TRAPPC9: variants seen among roughly 807,000 people sequenced by gnomAD.
TRAPPC9 encodes trafficking protein particle complex subunit 9.
TRAPPC9 carries 83 observed loss-of-function variants against 124.0 expected under a neutral mutation model. The ratio of observed to expected loss-of-function variants is 0.67; its 90% CI spans 0.56 to 0.80. TRAPPC9 has a LOEUF of 0.80. Among genes scored for constraint, TRAPPC9 ranks in the 30% least tolerant of loss-of-function variants. The pLI, the probability that TRAPPC9 is intolerant of heterozygous loss-of-function variation, is 0.00. For synonymous variants in TRAPPC9, 638 were observed against 617.5 expected (o/e 1.03, Z -0.49); for missense variants, 1,302 against 1,508.3 (o/e 0.86, Z 2.27).
At chr8:140,014,048 C>A (rs1307118125) in intron 18 of TRAPPC9, among the ~76,000 whole-genome samples, 1 of 152,084 alleles carries the variant, frequency 6.6e-6, no homozygotes, top group Non-Finnish European at 1.5e-5. Flanking sequence ...AAAAGATCTA[C>A]CACGATAAAA....
intron 2 of TRAPPC9, among the ~76,000 whole-genome samples, chr8:140,446,306 A>AAAAG: frequency 6.6e-6 from 1 of 151,768 alleles, no homozygotes; most frequent in Admixed American, 6.6e-5. Flanking sequence ...AAAAAAAAAA[A>AAAAG]AAAAAAGCAG....
intron 21 of TRAPPC9, among the ~76,000 whole-genome samples, chr8:139,747,007 A>G (rs1195205394): frequency 6.6e-6 from 1 of 152,206 alleles, no homozygotes; most frequent in East Asian, 1.9e-4. Context: ...AGAAACGGGG[A>G]AAAAAATGGA....
chr8:140,304,280 A>T (rs2066062555), intron 10 of TRAPPC9, among the ~76,000 whole-genome samples: 1 of 152,084 alleles, frequency 6.6e-6, no homozygotes, highest in South Asian at 2.1e-4. Flanking sequence ...TTTTTCGTAG[A>T]GACGGAGTTT....
intron 21 of TRAPPC9, among the ~76,000 whole-genome samples, chr8:139,771,245 A>G (rs555941004): frequency 6.6e-6 from 1 of 152,058 alleles, no homozygotes; most frequent in Non-Finnish European, 1.5e-5. Context: ...CGCATCATCT[A>G]TCTGCCACAT....
intron 21 of TRAPPC9, among the ~76,000 whole-genome samples, chr8:139,880,643 C>T (rs901189856): frequency 1.2e-4 from 19 of 152,192 alleles, no homozygotes; most frequent in Non-Finnish European, 2.4e-4. Context: ...CATGTGATGA[C>T]TAAACATCTC....
intron 17 of TRAPPC9, among the ~76,000 whole-genome samples, chr8:140,184,020 T>C (rs1366193118): frequency 6.9e-6 from 1 of 145,418 alleles, no homozygotes; most frequent in African/African-American, 2.6e-5. Context: ...GAAGATCCAT[T>C]GGTCTGAGCA....
chr8:139,805,827 G>A (rs1448774303), intron 21 of TRAPPC9, among the ~76,000 whole-genome samples: 2 of 152,152 alleles, frequency 1.3e-5, no homozygotes, highest in Non-Finnish European at 2.9e-5. Flanking sequence ...GAGGGCTCAT[G>A]ATACACTTTA....
intron 6 of TRAPPC9, 194 bp downstream of exon 6, chr8:140,405,383 A>G (rs1332455040): frequency 1.8e-6 from 1 of 564,152 alleles, no homozygotes; most frequent in South Asian, 2.3e-5. Context: ...CAAATTTATT[A>G]TACTAAACCT....
Position 140,284,036 on chromosome 8 carries a change from G to T in TRAPPC9, c.1982-15C>A. On this transcript the variant is annotated splice_polypyrimidine_tract_variant and intron_variant, in intron 13 of 22. Coordinates refer to ENST00000438773, the MANE Select transcript of TRAPPC9 (RefSeq NM_001160372.4). ...GGTATGGTAACCTGGAATAGAAAAG[G>T]AACTTCTTCACTCCACTGGCAAGGC... 1 of 1,613,844 alleles carries T rather than the reference G, an allele frequency of 6.2e-7. No individual in the cohort carries two copies. Among genetic ancestry groups the T allele is most frequent in the Non-Finnish European group, 8.5e-7 (1 of 1,179,856 alleles).
At chr8:139,809,689 G>A (rs1824304608) in intron 21 of TRAPPC9, among the ~76,000 whole-genome samples, 1 of 151,984 alleles carries the variant, frequency 6.6e-6, no homozygotes. Flanking sequence ...CTCTCTTAAG[G>A]AGTCCCCAGA....
intron 21 of TRAPPC9, among the ~76,000 whole-genome samples, chr8:139,839,056 G>A (rs79914121): frequency 0.029 from 4,391 of 152,260 alleles, 221 homozygotes; most frequent in African/African-American, 0.097. Context: ...AACGCCAGAC[G>A]GTATCCTAGG....
chr8:140,424,945 A>G (rs2070369508), intron 5 of TRAPPC9, among the ~76,000 whole-genome samples: 1 of 152,232 alleles, frequency 6.6e-6, no homozygotes, highest in South Asian at 2.1e-4. Flanking sequence ...ATTTTGTGAT[A>G]GCTTCACATG....
At position 139,825,671 on chromosome 8, in the gene TRAPPC9, G is replaced by A. The variant is rs1046078703; in HGVS notation, c.3055+60208C>T. 2.6e-5 allele frequency among the ~76,000 whole-genome samples: 4 copies of A among 152,138 alleles called. No individual in the cohort carries two copies. Among genetic ancestry groups the A allele is most frequent in the African/African-American group, 9.7e-5 (4 of 41,438 alleles). On this transcript the variant is annotated intron_variant, in intron 21 of 22. Transcript: ENST00000438773. The surrounding 1 kb of genome is among the most constrained non-coding windows in gnomAD (Gnocchi z 4.6). ...CATGGCTCTGGTTTGTTTGCTTTGGGCCAGGGCTTCTGCAGGACACAGCCA... is the reference window on the plus strand; with the variant it reads ...CATGGCTCTGGTTTGTTTGCTTTGGACCAGGGCTTCTGCAGGACACAGCCA...
At chr8:140,387,665 C>A (rs1489507390) in intron 7 of TRAPPC9, among the ~76,000 whole-genome samples, 1 of 152,126 alleles carries the variant, frequency 6.6e-6, no homozygotes, top group African/African-American at 2.4e-5. Context: ...CAAATCAAAA[C>A]CACAATGAGA....
At chr8:139,829,386 T>G (rs932297020) in intron 21 of TRAPPC9, among the ~76,000 whole-genome samples, 3 of 152,256 alleles carry the variant, frequency 2.0e-5, no homozygotes, top group East Asian at 1.9e-4. Flanking sequence ...TCCAAAGCAG[T>G]AGTCTCTGTC....
chr8:140,067,598 C>T (rs943395111), intron 17 of TRAPPC9, among the ~76,000 whole-genome samples: 6 of 152,126 alleles, frequency 3.9e-5, no homozygotes, highest in Admixed American at 1.3e-4. Flanking sequence ...GAACTGAAAG[C>T]GAACTTGGGG....
intron 17 of TRAPPC9, among the ~76,000 whole-genome samples, chr8:140,035,769 C>T (rs547687620): frequency 2.6e-5 from 4 of 152,326 alleles, no homozygotes; most frequent in South Asian, 2.1e-4. Flanking sequence ...GTGACTTCAC[C>T]GGGAATCGGC....
At chr8:140,002,844 C>CAAAAAAAAAAAAAA (rs56895763) in intron 18 of TRAPPC9, among the ~76,000 whole-genome samples, 2 of 68,800 alleles carry the variant, frequency 2.9e-5, no homozygotes, top group African/African-American at 4.9e-5. Flanking sequence ...TTCCACTTAT[C>CAAAAAAAAAAAAAA]AAAAAAAAAA....
chr8:139,732,245 C>G (rs374602903), intron 21 of TRAPPC9, 43 bp from the exon 22 acceptor site: 2 of 1,497,062 alleles, frequency 1.3e-6, no homozygotes, highest in Non-Finnish European at 1.8e-6. Flanking sequence ...CTGGCCTGCA[C>G]GGCCCAGCCG....
Sources: gnomAD v4.1 joint callset for allele counts (sites outside exome capture counted in the v4.1 genomes callset) on GRCh38, gnomAD v4.1.1 for gene constraint, Gnocchi (gnomAD v3.1) non-coding constraint, MANE v1.5 for transcripts, NCBI Gene and HGNC (gene_info 2026-07-23, HGNC 2026-07-21) for gene names.